Variants in SH3GL2 observed in about 807,000 individuals in gnomAD.
The protein encoded by SH3GL2 is SH3 domain containing GRB2 like 2, endophilin A1, also known as endophilin-A1.
A neutral mutation model predicts 46.0 loss-of-function variants in SH3GL2; 24 were observed. The ratio of observed to expected loss-of-function variants is 0.52; its 90% CI spans 0.38 to 0.73. The LOEUF (loss-of-function observed/expected upper bound fraction) is 0.73. Among genes scored for constraint, SH3GL2 ranks in the 30% least tolerant of loss-of-function variants. The pLI, the probability that SH3GL2 is intolerant of heterozygous loss-of-function variation, is 0.00. For synonymous variants in SH3GL2, 196 were observed against 147.1 expected (o/e 1.33, Z -2.40); for missense variants, 413 against 424.2 (o/e 0.97, Z 0.23).
chr9:17,755,178 G>A (rs1408419110), intron 2 of SH3GL2, among the ~76,000 whole-genome samples: 2 of 152,088 alleles, frequency 1.3e-5, no homozygotes, highest in Non-Finnish European at 2.9e-5. Context: ...CTAGCTCATT[G>A]GGACTTTATA....
chr9:17,674,062 C>T (rs1308686710), intron 1 of SH3GL2, among the ~76,000 whole-genome samples: 2 of 152,120 alleles, frequency 1.3e-5, no homozygotes. Context: ...TTGATCTGAG[C>T]ACTTCCTTAT....
At position 17,620,032 on chromosome 9, in the gene SH3GL2, T is replaced by A. The variant is rs569485503; in HGVS notation, c.45+40745T>A. On this transcript the variant is annotated intron_variant, in intron 1 of 8. Transcript: ENST00000380607. ...ATTGGAAATTTAGTATGATTTTTTT[T>A]AAATTGGTCAGGAAACAAGTAGTTG... is the stretch of plus-strand genomic sequence containing the variant. Among the ~76,000 whole-genome samples the A allele has an allele frequency of 8.5e-5, 13 of 152,322 alleles. No homozygotes were observed. In the East Asian group the frequency reaches 1.7e-3, roughly 20 times the overall value.
intron 1 of SH3GL2, among the ~76,000 whole-genome samples, chr9:17,597,712 AT>A (rs1365450950): frequency 1.3e-5 from 2 of 152,100 alleles, no homozygotes; most frequent in African/African-American, 4.8e-5. Flanking sequence ...TTTGATTTAT[AT>A]GTTTTTCTTA....
At chr9:17,688,985 A>T (rs527243966) in intron 1 of SH3GL2, among the ~76,000 whole-genome samples, 1 of 152,192 alleles carries the variant, frequency 6.6e-6, no homozygotes, top group South Asian at 2.1e-4. Flanking sequence ...GAGGGGGTGC[A>T]GTGGGAGAGT....
At chr9:17,762,513 C>G (rs1031373710) in intron 3 of SH3GL2, among the ~76,000 whole-genome samples, 3 of 152,096 alleles carry the variant, frequency 2.0e-5, no homozygotes, top group Non-Finnish European at 4.4e-5. Context: ...TCCTTCCATC[C>G]TTATTCACCT....
At chr9:17,707,773 T>G (rs960302251) in intron 1 of SH3GL2, among the ~76,000 whole-genome samples, 6 of 152,064 alleles carry the variant, frequency 3.9e-5, no homozygotes, top group African/African-American at 7.2e-5. Flanking sequence ...TGTCTAAGAT[T>G]TAAAGCACGG....
At chr9:17,734,886 G>C (rs1822284598) in intron 1 of SH3GL2, among the ~76,000 whole-genome samples, 1 of 152,060 alleles carries the variant, frequency 6.6e-6, no homozygotes, top group Non-Finnish European at 1.5e-5. Context: ...GTATGGTGAT[G>C]ATTACATAAC....
intron 1 of SH3GL2, among the ~76,000 whole-genome samples, chr9:17,722,911 C>A (rs1821930279): frequency 6.6e-6 from 1 of 152,142 alleles, no homozygotes. Context: ...TGTGTCAGCT[C>A]ATTATCTCAG....
chr9:17,778,921 A>T (rs1477210851), intron 3 of SH3GL2, among the ~76,000 whole-genome samples: 2 of 152,132 alleles, frequency 1.3e-5, no homozygotes, highest in Non-Finnish European at 2.9e-5. Context: ...GTTTGGGATG[A>T]TGATGGAAAA....
intron 1 of SH3GL2, among the ~76,000 whole-genome samples, chr9:17,704,993 CTA>C (rs1450492535): frequency 1.3e-5 from 2 of 151,872 alleles, no homozygotes; most frequent in Non-Finnish European, 2.9e-5. Flanking sequence ...TATTTGCAAA[CTA>C]TGCATGCAAC....
At chr9:17,761,687 G>T (rs779806340) in intron 3 of SH3GL2, 178 bp downstream of exon 3, 1 of 665,514 alleles carries the variant, frequency 1.5e-6, no homozygotes, top group Non-Finnish European at 2.7e-6. Context: ...GCTTTTTAAA[G>T]CTCACATTGA....
At chr9:17,666,641 C>T (rs1039079628) in intron 1 of SH3GL2, among the ~76,000 whole-genome samples, 1 of 150,852 alleles carries the variant, frequency 6.6e-6, no homozygotes, top group Non-Finnish European at 1.5e-5. Context: ...ATCCTAACAG[C>T]TTATTCAGCC....
intron 1 of SH3GL2, among the ~76,000 whole-genome samples, chr9:17,707,764 G>A (rs1383720907): frequency 1.3e-5 from 2 of 152,014 alleles, no homozygotes; most frequent in Non-Finnish European, 2.9e-5. Flanking sequence ...AAATCCTTAT[G>A]TCTAAGATTT....
At chr9:17,766,988 T>C (rs1055098335) in intron 3 of SH3GL2, among the ~76,000 whole-genome samples, 2 of 152,232 alleles carry the variant, frequency 1.3e-5, no homozygotes, top group Non-Finnish European at 2.9e-5. Flanking sequence ...AATGGAATTG[T>C]AGACAGTTGG....
intron 1 of SH3GL2, among the ~76,000 whole-genome samples, chr9:17,619,058 C>T (rs546995065): frequency 3.9e-5 from 6 of 152,020 alleles, no homozygotes; most frequent in South Asian, 2.1e-4. Flanking sequence ...CTTAACTGTG[C>T]GCTAGATACA....
At chr9:17,780,394 C>A (rs1290622541) in intron 3 of SH3GL2, among the ~76,000 whole-genome samples, 1 of 152,018 alleles carries the variant, frequency 6.6e-6, no homozygotes, top group South Asian at 2.1e-4. Context: ...GAGAACATAG[C>A]ACAGTTTACT....
intron 1 of SH3GL2, among the ~76,000 whole-genome samples, chr9:17,623,049 TCCCCTTCC>T (rs1174121085): frequency 4.3e-4 from 47 of 109,538 alleles, no homozygotes; most frequent in African/African-American, 1.3e-3. Context: ...TCCTTCCCCT[TCCCCTTCC>T]CCTTCCCCTT....
At chr9:17,669,176 A>G (rs994524264) in intron 1 of SH3GL2, among the ~76,000 whole-genome samples, 1 of 152,182 alleles carries the variant, frequency 6.6e-6, no homozygotes, top group African/African-American at 2.4e-5. Context: ...TGTAGTCTGT[A>G]TCCAGTTTTC....
chr9:17,711,949 G>T (rs543434440), intron 1 of SH3GL2, among the ~76,000 whole-genome samples: 1 of 151,774 alleles, frequency 6.6e-6, no homozygotes, highest in South Asian at 2.1e-4. Flanking sequence ...TAGAGTTTCT[G>T]TTGCTCTACA....
Sources: allele counts gnomAD v4.1 joint callset (sites outside exome capture counted in the v4.1 genomes callset), GRCh38; gene constraint gnomAD v4.1.1; transcripts MANE v1.5; gene names NCBI Gene and HGNC (gene_info 2026-07-23, HGNC 2026-07-21).